The following COL19A1 variants were observed in gnomAD, a reference collection of about 807,000 sequenced individuals.
COL19A1 encodes the protein collagen type XIX alpha 1 chain, also known as collagen alpha-1(XIX) chain.
Under a neutral mutation model 190.2 loss-of-function variants are expected in COL19A1, and 159 were observed. That is an observed-to-expected ratio of 0.84 (90% CI 0.73 to 0.95). The LOEUF (loss-of-function observed/expected upper bound fraction) is 0.95. COL19A1 is among the 40% of genes least tolerant of loss of function. COL19A1 has a pLI of 0.00. For synonymous variants in COL19A1, 509 were observed against 458.9 expected, an observed-to-expected ratio of 1.11 and a Z score of -1.39; for missense variants, 1,418 against 1,431.9, an observed-to-expected ratio of 0.99 and a Z score of 0.16.
chr6:70,111,306 A>G (rs557403509), intron 16 of COL19A1, among the ~76,000 whole-genome samples: 122 of 152,270 alleles, frequency 8.0e-4, no homozygotes, highest in African/African-American at 2.8e-3. Context: ...GACTGAAGGA[A>G]ATTATATAAC....
At chr6:69,915,746 G>A (rs1296941459) in intron 4 of COL19A1, among the ~76,000 whole-genome samples, 13 of 152,088 alleles carry the variant, frequency 8.5e-5, no homozygotes, top group African/African-American at 2.2e-4. Flanking sequence ...TTTTAGTTAC[G>A]TTACCATTCT....
chr6:70,058,673 AATAAC>A (rs141160113), intron 14 of COL19A1, among the ~76,000 whole-genome samples: 8,641 of 152,032 alleles, frequency 0.057, 816 homozygotes, highest in African/African-American at 0.2. Flanking sequence ...AATTGGATAA[AATAAC>A]ATAACATAAA....
At chr6:70,168,560 G>T (rs1030363118) in intron 39 of COL19A1, 95 bp from the exon 40 acceptor site, 2 of 1,107,948 alleles carry the variant, frequency 1.8e-6, no homozygotes, top group Admixed American at 2.4e-5. Flanking sequence ...GCTAATATTC[G>T]TATGTGTATT....
chr6:69,960,937 G>A (rs1174720597), intron 10 of COL19A1, among the ~76,000 whole-genome samples: 1 of 152,074 alleles, frequency 6.6e-6, no homozygotes, highest in East Asian at 1.9e-4. Context: ...GGCCAGGGCT[G>A]CTTTCTTCTT....
chr6:70,103,198 T>G (rs556953015), intron 16 of COL19A1, among the ~76,000 whole-genome samples: 7 of 152,302 alleles, frequency 4.6e-5, no homozygotes, highest in African/African-American at 1.4e-4. Flanking sequence ...GATTTTTTTG[T>G]TCTTCATCCT....
chr6:70,046,312 A>G (rs1458553722), intron 14 of COL19A1, among the ~76,000 whole-genome samples: 5 of 152,262 alleles, frequency 3.3e-5, no homozygotes, highest in Non-Finnish European at 5.9e-5. Flanking sequence ...GATTTACACA[A>G]GAAGCCAGAA....
At chr6:70,171,453 T>C (rs576713984) in intron 40 of COL19A1, among the ~76,000 whole-genome samples, 1 of 152,278 alleles carries the variant, frequency 6.6e-6, no homozygotes, top group South Asian at 2.1e-4. Context: ...TAACTTTTAG[T>C]GTTATTGGAG....
intron 11 of COL19A1, among the ~76,000 whole-genome samples, chr6:69,999,575 A>G (rs1448512193): frequency 2.6e-5 from 4 of 152,140 alleles, no homozygotes; most frequent in African/African-American, 4.8e-5. Context: ...ACCTTTTTAG[A>G]AACAGGGTGT....
chr6:69,979,348 CA>C (rs1166825220), intron 11 of COL19A1, among the ~76,000 whole-genome samples: 1 of 151,738 alleles, frequency 6.6e-6, no homozygotes, highest in Admixed American at 6.6e-5. Flanking sequence ...ACTATGAAGT[CA>C]AGGTGGATTC....
At chr6:70,027,783 T>C (rs1466207279) in intron 12 of COL19A1, among the ~76,000 whole-genome samples, 1 of 152,184 alleles carries the variant, frequency 6.6e-6, no homozygotes, top group East Asian at 1.9e-4. Context: ...TAAATAATTT[T>C]GATTGTGGCC....
intron 37 of COL19A1, among the ~76,000 whole-genome samples, 184 bp downstream of exon 37, chr6:70,166,169 A>G (rs1000153949): frequency 2.8e-4 from 42 of 152,174 alleles, no homozygotes; most frequent in African/African-American, 9.9e-4. Context: ...GTTCAGCCTC[A>G]ATGTGCAATG....
intron 2 of COL19A1, among the ~76,000 whole-genome samples, chr6:69,888,519 A>AG (rs1219864264): frequency 2.6e-5 from 4 of 152,078 alleles, no homozygotes; most frequent in African/African-American, 7.2e-5. Context: ...GAAAAAAAAA[A>AG]AGAGAGAGCA....
chr6:70,185,470 A>C (rs1038443947), intron 46 of COL19A1, among the ~76,000 whole-genome samples: 1 of 152,202 alleles, frequency 6.6e-6, no homozygotes, highest in African/African-American at 2.4e-5. Context: ...AAGTAGAGTA[A>C]AGAAGGTGGT....
At chr6:69,977,208 A>G (rs1019430194) in intron 11 of COL19A1, among the ~76,000 whole-genome samples, 1 of 152,190 alleles carries the variant, frequency 6.6e-6, no homozygotes, top group Non-Finnish European at 1.5e-5. Flanking sequence ...TGTAGCGCAT[A>G]TACACCATGC....
chr6:70,031,665 C>T (rs1218341037), intron 12 of COL19A1, among the ~76,000 whole-genome samples: 3 of 152,120 alleles, frequency 2.0e-5, no homozygotes, highest in Non-Finnish European at 2.9e-5. Flanking sequence ...CTTAATAGTA[C>T]TCCGTTGTGT....
At position 70,136,642 on chromosome 6, in the gene COL19A1, T is replaced by C. The variant is rs148617925; in HGVS notation, c.1384-1043T>C. Among the ~76,000 whole-genome samples, 277 of 152,312 alleles carry C rather than the reference T, an allele frequency of 1.8e-3. 1 individual carries two copies. Among genetic ancestry groups the C allele is most frequent in the Non-Finnish European group, 3.6e-3 (244 of 68,016 alleles). ...AGTACAATAATATAAACTGAAAATA[T>C]AAATACTAAATTCTTGAGAGTGGCT... On this transcript the variant is annotated intron_variant, in intron 18 of 50. Transcript: ENST00000620364.
chr6:70,091,614 A>T (rs1269356359), intron 15 of COL19A1, among the ~76,000 whole-genome samples: 1 of 152,214 alleles, frequency 6.6e-6, no homozygotes, highest in Non-Finnish European at 1.5e-5. Flanking sequence ...TGAGTTGGTT[A>T]TGTGAGTTTT....
intron 22 of COL19A1, 45 bp from the exon 23 acceptor site, chr6:70,142,722 T>C (rs1562214097): frequency 6.4e-7 from 1 of 1,550,910 alleles, no homozygotes; most frequent in Admixed American, 1.9e-5. Context: ...TATCTTTTTT[T>C]TTCTTTTTTA....
intron 14 of COL19A1, among the ~76,000 whole-genome samples, chr6:70,037,910 A>G (rs1779439318): frequency 6.6e-6 from 1 of 152,218 alleles, no homozygotes; most frequent in South Asian, 2.1e-4. Flanking sequence ...AAAAAACACT[A>G]TGAAATGAAA....
Sources: allele counts gnomAD v4.1 joint callset (sites outside exome capture counted in the v4.1 genomes callset), GRCh38; gene constraint gnomAD v4.1.1; transcripts MANE v1.5; gene names NCBI Gene and HGNC (gene_info 2026-07-23, HGNC 2026-07-21).